ZNF385D: variants seen among roughly 807,000 people sequenced by gnomAD.
ZNF385D encodes zinc finger protein 385D.
Under a neutral mutation model 35.8 loss-of-function variants are expected in ZNF385D, and 15 were observed. The ratio of observed to expected loss-of-function variants is 0.42; its 90% CI spans 0.28 to 0.64. ZNF385D has a LOEUF of 0.64. ZNF385D is among the 30% of genes least tolerant of loss of function. ZNF385D has a pLI of 0.23. For synonymous variants in ZNF385D, 212 were observed against 186.8 expected, an observed-to-expected ratio of 1.13 and a Z score of -1.10; for missense variants, 474 against 494.6, an observed-to-expected ratio of 0.96 and a Z score of 0.39.
intron 3 of ZNF385D, among the ~76,000 whole-genome samples, chr3:21,530,256 T>C (rs980965937): frequency 1.2e-4 from 18 of 152,168 alleles, no homozygotes; most frequent in Admixed American, 1.0e-3. Context: ...CTTTTCTTTA[T>C]AAATTATCCA....
rs185037583 is a variant in ZNF385D, at chr3:21,820,061, A to G, written c.326-155033T>C. On this transcript the variant is annotated intron_variant, in intron 3 of 5. Transcript: ENST00000494108. ...ATATAAAAAACAGTAAGAATATAAA[A>G]TATGTGAATAAAATATTGAATATAT... 3.0e-3 allele frequency among the ~76,000 whole-genome samples: 452 copies of G among 151,532 alleles called. 2 individuals carry two copies. Among genetic ancestry groups the G allele is most frequent in the African/African-American group, 0.01 (421 of 41,510 alleles).
chr3:22,225,438 A>G (rs1195064747), intron 2 of ZNF385D, among the ~76,000 whole-genome samples: 4 of 152,070 alleles, frequency 2.6e-5, no homozygotes, highest in Non-Finnish European at 2.9e-5. Flanking sequence ...AGAGAATTAA[A>G]TTTCTTTCCC....
At chr3:21,944,124 T>G (rs1220254288) in intron 3 of ZNF385D, among the ~76,000 whole-genome samples, 1 of 152,206 alleles carries the variant, frequency 6.6e-6, no homozygotes, top group African/African-American at 2.4e-5. Flanking sequence ...GGAATAAAAA[T>G]TCATATATAC....
rs187248118 is a variant in ZNF385D, at chr3:21,427,591, G to A, written c.674-1921C>T. On this transcript the variant is annotated intron_variant, in intron 5 of 7. Coordinates refer to ENST00000281523, the MANE Select transcript of ZNF385D (RefSeq NM_024697.3). ...GAGTATTAAGTATTCAGGAGATAAT[G>A]GAAAATTTAAGAGATTTGGCCCCAG... Among the ~76,000 whole-genome samples the A allele has an allele frequency of 2.7e-3, 405 of 152,208 alleles. 2 individuals are homozygous for A. Among genetic ancestry groups the A allele is most frequent in the African/African-American group, 9.4e-3 (391 of 41,526 alleles).
intron 2 of ZNF385D, among the ~76,000 whole-genome samples, chr3:22,237,849 C>T (rs977520957): frequency 2.8e-5 from 4 of 142,738 alleles, no homozygotes; most frequent in Non-Finnish European, 6.0e-5. Context: ...TCACCACATT[C>T]GCCATGATGG....
intron 2 of ZNF385D, among the ~76,000 whole-genome samples, chr3:22,245,527 G>C (rs920749729): frequency 6.6e-6 from 1 of 151,002 alleles, no homozygotes. Context: ...AGTAGGGAGC[G>C]CATTTCCTAT....
At chr3:21,567,952 T>TTTTG (rs562913623) in intron 2 of ZNF385D, among the ~76,000 whole-genome samples, 75 of 152,268 alleles carry the variant, frequency 4.9e-4, no homozygotes, top group African/African-American at 1.7e-3. Flanking sequence ...GATTAAGTTA[T>TTTTG]TTTGTTTGAA....
chr3:22,283,210 G>T (rs1246003458), intron 2 of ZNF385D, among the ~76,000 whole-genome samples: 2 of 151,960 alleles, frequency 1.3e-5, no homozygotes, highest in Non-Finnish European at 2.9e-5. Flanking sequence ...TAAGAAATGA[G>T]ATAGACAGCA....
At chr3:21,536,278 T>C (rs1196792624) in intron 3 of ZNF385D, among the ~76,000 whole-genome samples, 2 of 152,228 alleles carry the variant, frequency 1.3e-5, no homozygotes, top group East Asian at 1.9e-4. Context: ...GGATCCACTA[T>C]AAAACTAATG....
At chr3:21,656,348 A>G (rs2066071206) in intron 2 of ZNF385D, among the ~76,000 whole-genome samples, 1 of 151,998 alleles carries the variant, frequency 6.6e-6, no homozygotes. Context: ...CTAGAAATCC[A>G]AGATCAAGGT....
At chr3:21,871,387 G>A (rs987272056) in intron 3 of ZNF385D, among the ~76,000 whole-genome samples, 13 of 151,986 alleles carry the variant, frequency 8.6e-5, no homozygotes, top group Non-Finnish European at 1.5e-4. Context: ...GCAACTACCC[G>A]AAATATTAAT....
At chr3:21,679,705 G>A (rs1171000286) in intron 1 of ZNF385D, among the ~76,000 whole-genome samples, 1 of 152,024 alleles carries the variant, frequency 6.6e-6, no homozygotes, top group South Asian at 2.1e-4. Flanking sequence ...GGGATGGAAG[G>A]AAGGAGGTTT....
chr3:22,044,454 A>C (rs946331486), intron 3 of ZNF385D, among the ~76,000 whole-genome samples: 5 of 152,118 alleles, frequency 3.3e-5, no homozygotes, highest in Admixed American at 1.3e-4. Context: ...CAAAAACAAA[A>C]ACAAACATAA....
chr3:21,809,661 T>TACATATATACACATATAC (rs1553672101), intron 3 of ZNF385D, among the ~76,000 whole-genome samples: 27 of 148,202 alleles, frequency 1.8e-4, no homozygotes, highest in African/African-American at 6.3e-4. Flanking sequence ...CATATACATA[T>TACATATATACACATATAC]ATACACATAT....
intron 2 of ZNF385D, among the ~76,000 whole-genome samples, chr3:22,187,919 G>A (rs1392933392): frequency 6.6e-6 from 1 of 152,122 alleles, no homozygotes; most frequent in African/African-American, 2.4e-5. Context: ...ACACAAGAAT[G>A]TCCACACTCT....
intron 3 of ZNF385D, among the ~76,000 whole-genome samples, chr3:21,902,151 A>C (rs1699446688): frequency 6.6e-6 from 1 of 152,198 alleles, no homozygotes; most frequent in South Asian, 2.1e-4. Flanking sequence ...TTACCTATAC[A>C]CATTTAAAAC....
At position 22,102,685 on chromosome 3, in the gene ZNF385D, T is replaced by C. The variant is rs141812180; in HGVS notation, c.325+66132A>G. 4.5e-3 allele frequency among the ~76,000 whole-genome samples: 679 copies of C among 152,152 alleles called. 1 individual carries two copies. Among genetic ancestry groups the C allele is most frequent in the Non-Finnish European group, 6.9e-3 (472 of 67,974 alleles). Reference sequence around the variant, plus strand: ...GAATAAAGAAAAAGAATAAAGGCCTTAACCTATATTTAAACTTAGAAGGGG... The same window carrying C: ...GAATAAAGAAAAAGAATAAAGGCCTCAACCTATATTTAAACTTAGAAGGGG... On this transcript the variant is annotated intron_variant, in intron 3 of 5. Transcript: ENST00000494108.
chr3:21,948,243 A>G (rs1437759086), intron 3 of ZNF385D, among the ~76,000 whole-genome samples: 1 of 148,960 alleles, frequency 6.7e-6, no homozygotes, highest in Non-Finnish European at 1.5e-5. Context: ...ACTTACTGAA[A>G]TAGATTAATT....
chr3:21,715,329 A>G (rs987722169), intron 1 of ZNF385D, among the ~76,000 whole-genome samples: 6 of 152,088 alleles, frequency 3.9e-5, no homozygotes, highest in Middle Eastern at 3.4e-3. Context: ...GCACCCACGT[A>G]TGGGTGAGAC....
Sources: gnomAD v4.1 joint callset for allele counts (sites outside exome capture counted in the v4.1 genomes callset) on GRCh38, gnomAD v4.1.1 for gene constraint, MANE v1.5 for transcripts, NCBI Gene and HGNC (gene_info 2026-07-23, HGNC 2026-07-21) for gene names.